The following ERBB4 variants were observed in gnomAD, a reference collection of about 807,000 sequenced individuals.
The protein encoded by ERBB4 is erb-b2 receptor tyrosine kinase 4.
ERBB4 carries 42 observed loss-of-function variants against 158.0 expected under a neutral mutation model. The ratio of observed to expected loss-of-function variants is 0.27; its 90% CI spans 0.21 to 0.34. The LOEUF is 0.34. Ranked by LOEUF, ERBB4 falls within the 10% of genes least tolerant of loss-of-function variation. The probability of loss-of-function intolerance (pLI) is 1.00; values close to 1 mark genes in which losing one functional copy is unlikely to be tolerated. For synonymous variants in ERBB4, 583 were observed against 558.7 expected (o/e 1.04, Z -0.61); for missense variants, 1,333 against 1,624.1 (o/e 0.82, Z 3.08).
chr2:211,994,535 G>A (rs532604354), intron 2 of ERBB4, among the ~76,000 whole-genome samples: 64 of 152,012 alleles, frequency 4.2e-4, no homozygotes, highest in Non-Finnish European at 7.7e-4. Flanking sequence ...TGTATAGTTT[G>A]ATTTTTTATA....
At chr2:211,515,913 T>TATATATATATATATATATATATATA (rs71054105) in intron 20 of ERBB4, among the ~76,000 whole-genome samples, 3 of 57,360 alleles carry the variant, frequency 5.2e-5, no homozygotes, top group African/African-American at 2.2e-4. Flanking sequence ...TATATATATA[T>TATATATATATATATATATATATATA]TTTTTTTTTT....
At chr2:211,397,842 A>T (rs2062952696) in intron 25 of ERBB4, among the ~76,000 whole-genome samples, 1 of 152,016 alleles carries the variant, frequency 6.6e-6, no homozygotes, top group African/African-American at 2.4e-5. Context: ...CTATACTTTT[A>T]TTTTCTGCCC....
intron 3 of ERBB4, among the ~76,000 whole-genome samples, chr2:211,872,404 C>T (rs2078374921): frequency 6.6e-6 from 1 of 152,116 alleles, no homozygotes; most frequent in South Asian, 2.1e-4. Context: ...ATGCAAATGT[C>T]AGCAAAAGGC....
intron 25 of ERBB4, among the ~76,000 whole-genome samples, chr2:211,418,609 C>CA (rs886348564): frequency 6.6e-6 from 1 of 151,590 alleles, no homozygotes; most frequent in Non-Finnish European, 1.5e-5. Context: ...TTAAAATGAA[C>CA]AAAAAGCTGA....
chr2:212,135,113 T>C (rs758719093), intron 1 of ERBB4, among the ~76,000 whole-genome samples: 10 of 152,134 alleles, frequency 6.6e-5, no homozygotes, highest in Non-Finnish European at 1.5e-4. Context: ...GAAAGATAAA[T>C]CAATATATTA....
chr2:211,842,824 T>G (rs530065534), intron 3 of ERBB4, among the ~76,000 whole-genome samples: 3 of 152,140 alleles, frequency 2.0e-5, no homozygotes, highest in Non-Finnish European at 4.4e-5. Context: ...TCTTTTTAAA[T>G]TATTACATTC....
intron 1 of ERBB4, among the ~76,000 whole-genome samples, chr2:212,388,446 C>T (rs1277664819): frequency 6.6e-6 from 1 of 152,062 alleles, no homozygotes; most frequent in Non-Finnish European, 1.5e-5. Flanking sequence ...AGGCTGAATG[C>T]CTCAAGAATG....
chr2:211,982,075 A>G (rs917320113), intron 2 of ERBB4, among the ~76,000 whole-genome samples: 16 of 151,958 alleles, frequency 1.1e-4, no homozygotes, highest in Non-Finnish European at 2.2e-4. Flanking sequence ...TTTAAAATGC[A>G]GCAGCAATAT....
At chr2:211,670,763 C>T (rs969894600) in intron 14 of ERBB4, among the ~76,000 whole-genome samples, 5 of 152,120 alleles carry the variant, frequency 3.3e-5, no homozygotes, top group African/African-American at 9.7e-5. Flanking sequence ...ATACCTAGCA[C>T]AGAACTAGCT....
At chr2:211,674,707 G>C (rs2071985055) in intron 13 of ERBB4, among the ~76,000 whole-genome samples, 1 of 152,106 alleles carries the variant, frequency 6.6e-6, no homozygotes, top group South Asian at 2.1e-4. Flanking sequence ...AAATGAATTG[G>C]TATGGGAGGG....
At chr2:212,492,244 C>T (rs13430903) in intron 1 of ERBB4, among the ~76,000 whole-genome samples, 2 of 151,216 alleles carry the variant, frequency 1.3e-5, no homozygotes, top group Non-Finnish European at 3.0e-5. Flanking sequence ...GAATATCTAA[C>T]GAAGAGCAAC....
Position 211,379,375 on chromosome 2 carries a change from TC to T in ERBB4, c.*4239del. 2 of 228,498 alleles carry T rather than the reference TC, an allele frequency of 8.8e-6. No individual in the cohort carries two copies. Among genetic ancestry groups the T allele is most frequent in the Middle Eastern group, 1.3e-3 (1 of 760 alleles). 14.2% of individuals were successfully genotyped at this position (228,498 alleles called of 1,614,324 possible). ...TTAAAAAAATAAATAAATACAATTT[TC>T]TTTACATTTAAAAAGTGATAAAGGA... On this transcript the variant is annotated 3_prime_UTR_variant, in exon 28 of 28. Transcript: ENST00000342788.
intron 20 of ERBB4, among the ~76,000 whole-genome samples, chr2:211,461,755 A>G (rs2064537457): frequency 6.6e-6 from 1 of 152,146 alleles, no homozygotes; most frequent in Non-Finnish European, 1.5e-5. Context: ...GTTATCTAGA[A>G]GAGTTTATTA....
chr2:212,431,835 C>A (rs955727519), intron 1 of ERBB4, among the ~76,000 whole-genome samples: 11 of 152,150 alleles, frequency 7.2e-5, no homozygotes, highest in African/African-American at 2.7e-4. Context: ...TACTCAAATG[C>A]CACTTCTTCA....
chr2:212,195,490 T>C (rs1050116790), intron 1 of ERBB4, among the ~76,000 whole-genome samples: 11 of 100,112 alleles, frequency 1.1e-4, no homozygotes, highest in African/African-American at 3.9e-4. Context: ...ATTAATTAAA[T>C]AAAATATGCA....
intron 3 of ERBB4, among the ~76,000 whole-genome samples, chr2:211,828,034 G>A (rs1303925754): frequency 6.6e-6 from 1 of 152,116 alleles, no homozygotes; most frequent in Non-Finnish European, 1.5e-5. Flanking sequence ...TCTGTATTGT[G>A]TTTATTCCAG....
chr2:212,469,708 A>C (rs1179038345), intron 1 of ERBB4, among the ~76,000 whole-genome samples: 1 of 152,140 alleles, frequency 6.6e-6, no homozygotes, highest in East Asian at 1.9e-4. Context: ...TTTGAGACCA[A>C]ACAGTATATT....
chr2:211,748,112 T>A (rs918425449), intron 5 of ERBB4, among the ~76,000 whole-genome samples: 4 of 151,856 alleles, frequency 2.6e-5, no homozygotes, highest in Non-Finnish European at 5.9e-5. Flanking sequence ...GTATTTTTGA[T>A]CTGCAGTTGG....
intron 9 of ERBB4, among the ~76,000 whole-genome samples, chr2:211,710,622 AT>A (rs1404650638): frequency 2.0e-5 from 3 of 152,142 alleles, no homozygotes; most frequent in African/African-American, 7.2e-5. Context: ...ATCATATTGA[AT>A]TGTAGCTCCT....
Sources: allele counts gnomAD v4.1 joint callset (sites outside exome capture counted in the v4.1 genomes callset), GRCh38; gene constraint gnomAD v4.1.1; transcripts MANE v1.5; gene names NCBI Gene and HGNC (gene_info 2026-07-23, HGNC 2026-07-21).